NEK5: variants seen among roughly 807,000 people sequenced by gnomAD.
NEK5 encodes serine/threonine-protein kinase Nek5.
Under a neutral mutation model 109.2 loss-of-function variants are expected in NEK5, and 88 were observed. That is an observed-to-expected ratio of 0.81 (90% CI 0.68 to 0.96). NEK5 has a LOEUF of 0.96. Ranked by LOEUF, NEK5 falls within the 40% of genes least tolerant of loss-of-function variation. The pLI, the probability that NEK5 is intolerant of heterozygous loss-of-function variation, is 0.00. For missense variants in NEK5, 834 were observed against 920.7 expected (o/e 0.91, Z 1.22); for synonymous variants, 283 against 299.9 (o/e 0.94, Z 0.58).
intron 22 of NEK5, among the ~76,000 whole-genome samples, chr13:52,058,749 C>T (rs1340190466): frequency 6.6e-5 from 10 of 152,136 alleles, no homozygotes; most frequent in South Asian, 2.1e-4. Flanking sequence ...TGGCTAGCCA[C>T]ATGTAGAAAG....
chr13:52,111,128 T>G (rs1253869923), intron 5 of NEK5, among the ~76,000 whole-genome samples: 1 of 152,220 alleles, frequency 6.6e-6, no homozygotes, highest in Non-Finnish European at 1.5e-5. Context: ...TTCTAAGTCA[T>G]GATTTGATTT....
intron 23 of NEK5, among the ~76,000 whole-genome samples, chr13:52,042,094 A>G (rs1157259518): frequency 1.3e-5 from 2 of 152,078 alleles, no homozygotes; most frequent in East Asian, 3.8e-4. Context: ...GTCATCAACA[A>G]TAATAGAAGC....
chr13:52,114,491 C>T (rs1194853126), intron 4 of NEK5, among the ~76,000 whole-genome samples: 1 of 152,214 alleles, frequency 6.6e-6, no homozygotes, highest in Non-Finnish European at 1.5e-5. Flanking sequence ...ATTTTTCCTC[C>T]TCTCTTCTTT....
In NEK5 at chr13:52,096,069, T is replaced by C. The variant is rs894208082; in HGVS notation, c.1027-2834A>G. Among the ~76,000 whole-genome samples the C allele has an allele frequency of 3.3e-5, 5 of 152,270 alleles. No homozygotes were observed. In the South Asian group the frequency reaches 6.2e-4, roughly 19 times the overall value. On this transcript the variant is annotated intron_variant, in intron 12 of 23. Transcript: ENST00000684899. The stretch of plus-strand genomic sequence containing the variant: ...TTTCCTCCTGCATGTAAGATGAGCC[T>C]GCCTCCCCTTCTGCTATGATTATAA...
At chr13:52,094,322 GA>G (rs1955358220) in intron 12 of NEK5, among the ~76,000 whole-genome samples, 1 of 151,874 alleles carries the variant, frequency 6.6e-6, no homozygotes, top group Non-Finnish European at 1.5e-5. Context: ...AATAAAAAGA[GA>G]AAAAAAGATA....
chr13:52,085,024 AAAAG>A (rs1010606227), intron 16 of NEK5, among the ~76,000 whole-genome samples: 1 of 152,134 alleles, frequency 6.6e-6, no homozygotes, highest in Non-Finnish European at 1.5e-5. Flanking sequence ...AGGGGTAAAT[AAAAG>A]AAAGTATGAA....
In NEK5 at chr13:52,108,315, T is replaced by TA. The variant is rs1396743228; in HGVS notation, c.554+2dup. 1 of 1,587,078 alleles carries TA rather than the reference T, an allele frequency of 6.3e-7. No individual in the cohort carries two copies. The highest frequency in any genetic ancestry group is 8.6e-7 in the Non-Finnish European group (1 of 1,158,872). ...ACTTTCAAACTAAGAGTCAGCAACT[T>TA]ACGTTTTATTGTTGTAGGGTTTATT... On this transcript the variant is annotated splice_region_variant and intron_variant, in intron 8 of 23. Coordinates refer to ENST00000684899, the MANE Select transcript of NEK5 (RefSeq NM_001365552.1).
At chr13:52,064,027 G>T (rs1219231723) in intron 21 of NEK5, among the ~76,000 whole-genome samples, 1 of 133,826 alleles carries the variant, frequency 7.5e-6, no homozygotes, top group Non-Finnish European at 1.6e-5. Context: ...CGCCCGGCCA[G>T]CTGCCCCATC....
At position 52,083,368 on chromosome 13, in the gene NEK5, TAC is replaced by T; in HGVS notation, c.1480-18_1480-17del. ...TTGAGTTCTCCTTTAACACAAATTA[TAC>T]ACAGTCAACAAGATTGGTTCTGAGT... On this transcript the variant is annotated splice_polypyrimidine_tract_variant and intron_variant, in intron 16 of 23. Transcript: ENST00000684899. 6.7e-7 allele frequency: 1 copy of T among 1,503,178 alleles called. No individual in the cohort carries two copies. The allele number at this position is 1,503,178 out of a possible 1,614,324, so 93.1% of individuals were successfully genotyped here.
At chr13:52,055,068 G>T (rs1270151190) in intron 22 of NEK5, among the ~76,000 whole-genome samples, 2 of 152,122 alleles carry the variant, frequency 1.3e-5, no homozygotes, top group Admixed American at 6.6e-5. Flanking sequence ...TTAGAAGAAT[G>T]TATGACTAGA....
chr13:52,090,650 C>T (rs540455279), intron 13 of NEK5, among the ~76,000 whole-genome samples: 1 of 152,150 alleles, frequency 6.6e-6, no homozygotes, highest in Admixed American at 6.5e-5. Flanking sequence ...AAAAATGATT[C>T]CAACACCCAG....
chr13:52,079,569 C>A (rs947405104), intron 17 of NEK5, among the ~76,000 whole-genome samples: 1 of 152,278 alleles, frequency 6.6e-6, no homozygotes. Context: ...CCCGAGGTGC[C>A]GGGATTGCAG....
chr13:52,062,756 G>C (rs1954623658), intron 21 of NEK5, among the ~76,000 whole-genome samples: 1 of 152,046 alleles, frequency 6.6e-6, no homozygotes, highest in East Asian at 1.9e-4. Flanking sequence ...TATGTGAGAG[G>C]TTCAAATGTA....
At chr13:52,126,822 G>A (rs1158729583) in intron 3 of NEK5, among the ~76,000 whole-genome samples, 1 of 152,016 alleles carries the variant, frequency 6.6e-6, no homozygotes, top group Non-Finnish European at 1.5e-5. Context: ...CAGGAACCAA[G>A]GTGGTGTGAT....
chr13:52,087,362 A>G lies in NEK5; in HGVS notation c.1368T>C (p.Phe456=), dbSNP rs1363185900. Residue 456 remains phenylalanine, a synonymous_variant, in exon 15 of 24, where the codon TTT becomes TTC. Coordinates refer to ENST00000684899, the MANE Select transcript of NEK5 (RefSeq NM_001365552.1). ...CCTGTTCCTTCATTTCGTTTTTCCT[A>G]AATGGCAGCTCCTGGAATCTAGGCT... ...GEEPRFQELP[F]RKNEMKEQEY... is the part of the protein sequence containing the mutation. 4 of 1,598,654 alleles carry G rather than the reference A, an allele frequency of 2.5e-6. No homozygotes were observed. Among genetic ancestry groups the G allele is most frequent in the Non-Finnish European group, 3.4e-6 (4 of 1,166,432 alleles).
intron 20 of NEK5, among the ~76,000 whole-genome samples, chr13:52,066,628 AC>A (rs1444166987): frequency 1.3e-5 from 2 of 151,920 alleles, no homozygotes; most frequent in African/African-American, 4.8e-5. Flanking sequence ...ACATGGTGAA[AC>A]CCCGTCTCTA....
chr13:52,070,462 A>G (rs1954765665), intron 20 of NEK5, among the ~76,000 whole-genome samples: 1 of 152,186 alleles, frequency 6.6e-6, no homozygotes, highest in South Asian at 2.1e-4. Flanking sequence ...TGGTTGAATC[A>G]TGGGGGCGGA....
intron 4 of NEK5, among the ~76,000 whole-genome samples, chr13:52,116,219 A>T (rs1242030266): frequency 3.3e-5 from 5 of 151,804 alleles, no homozygotes; most frequent in African/African-American, 1.2e-4. Context: ...TCTTACAGAC[A>T]TTGGCATCTT....
intron 21 of NEK5, among the ~76,000 whole-genome samples, chr13:52,063,283 C>T (rs997126184): frequency 4.6e-5 from 7 of 152,326 alleles, no homozygotes; most frequent in Middle Eastern, 3.4e-3. Context: ...CTGTGTTGGC[C>T]GGGCTGGTCT....
Sources: gnomAD v4.1 joint callset for allele counts (sites outside exome capture counted in the v4.1 genomes callset) on GRCh38, gnomAD v4.1.1 for gene constraint, MANE v1.5 for transcripts, NCBI Gene and HGNC (gene_info 2026-07-23, HGNC 2026-07-21) for gene names.